The following METTL22 variants were observed in gnomAD, a reference collection of about 807,000 sequenced individuals.
METTL22 encodes the protein methyltransferase-like protein 22.
Under a neutral mutation model 48.4 loss-of-function variants are expected in METTL22, and 51 were observed. That is an observed-to-expected ratio of 1.05 (90% confidence interval 0.84 to 1.33). The LOEUF is 1.33. Ranked by LOEUF, METTL22 falls within the 40% of genes most tolerant of loss-of-function variation. The pLI is 0.00. For missense variants in METTL22, 678 were observed against 526.9 expected, an observed-to-expected ratio of 1.29 and a Z score of -2.81; for synonymous variants, 255 against 214.1, an observed-to-expected ratio of 1.19 and a Z score of -1.67.
intron 2 of METTL22, among the ~76,000 whole-genome samples, chr16:8,627,007 C>T (rs1223425440): frequency 3.3e-5 from 5 of 151,890 alleles, no homozygotes; most frequent in Admixed American, 6.6e-5. Flanking sequence ...GACCTCGTGC[C>T]GCCCGCCTCG....
Position 8,625,506 on chromosome 16 carries a change from T to C in METTL22, c.-160T>C, listed in dbSNP as rs2056015332. On this transcript the variant is annotated 5_prime_UTR_variant, in exon 2 of 11. Transcript: ENST00000381920. ...CGCATTAATTTCCAGCTGGATTCTC[T>C]TCCCTGGCCAAGTCTCTGAGATCTT... The C allele has an allele frequency of 7.8e-6, 4 of 512,226 alleles. 1 individual carries two copies. Among genetic ancestry groups the C allele is most frequent in the South Asian group, 4.3e-5 (1 of 23,066 alleles). 31.7% of individuals were successfully genotyped at this position (512,226 alleles called of 1,614,324 possible). A position where few individuals can be genotyped will look rare whatever the true frequency, so the allele number is the denominator to read the frequency against.
rs2056606237 is a variant in METTL22 at position 8,641,215 on chromosome 16, TG to T, written c.826+32del. 2.5e-6 allele frequency: 4 copies of T among 1,609,144 alleles called. No individual in the cohort carries two copies. The South Asian group carries it at 4.4e-5, about 18-fold the overall frequency. ...TGTTTCTCTCGGACGTCCCCCAGTA[TG>T]ATTCAGTGATTCCTTTGTAATACCT... On this transcript the variant is annotated intron_variant, in intron 7 of 10. Transcript: ENST00000381920.
At position 8,648,839 on chromosome 16, in the gene METTL22, C is replaced by A. The variant is rs1020342592; in HGVS notation, c.*2696C>A. 1.1e-4 allele frequency: 16 copies of A among 152,256 alleles called. No individual in the cohort carries two copies. The highest frequency in any genetic ancestry group is 1.0e-3 in the Admixed American group (16 of 15,276). The allele number at this position is 152,256 out of a possible 1,614,324, so 9.4% of individuals were successfully genotyped here. Reference sequence around the variant, plus strand: ...AGCTCAGGACGTGATTCCGAATCTGCATCTCAACGAGACCCTGGGTGATTT... The same window carrying A: ...AGCTCAGGACGTGATTCCGAATCTGAATCTCAACGAGACCCTGGGTGATTT... On this transcript the variant is annotated 3_prime_UTR_variant, in exon 11 of 11. Coordinates refer to ENST00000381920, the MANE Select transcript of METTL22 (RefSeq NM_024109.4).
the METTL22 span, among the ~76,000 whole-genome samples, chr16:8,659,058 C>T: frequency 4.6e-5 from 7 of 152,222 alleles, no homozygotes; most frequent in Non-Finnish European, 1.0e-4. Context: ...CAGCCAGGCA[C>T]GCTGGCTCAC....
In METTL22 at chr16:8,635,259, C is replaced by T. The variant is rs748613111; in HGVS notation, c.647C>T (p.Thr216Met). Residue 216 changes from threonine (T) to methionine (M), a missense_variant, in exon 5 of 11, where the codon ACG (threonine) becomes ATG (methionine). Coordinates refer to ENST00000381920, the MANE Select transcript of METTL22 (RefSeq NM_024109.4). ...GCTALELGAG[T>M]GLASIIAATM... is the part of the protein sequence containing the mutation. ...ACAGCGCTGGAGCTCGGGGCCGGCACGGGGCTCGCTAGCATCATCGCAGCC... is the reference window on the plus strand; with the variant it reads ...ACAGCGCTGGAGCTCGGGGCCGGCATGGGGCTCGCTAGCATCATCGCAGCC... The T allele has an allele frequency of 3.3e-5, 53 of 1,607,344 alleles. No homozygotes were observed. The Admixed American group carries it at 5.9e-4, about 18-fold the overall frequency.
At chr16:8,630,950 A>G (rs1328821575) in intron 3 of METTL22, among the ~76,000 whole-genome samples, 2 of 152,204 alleles carry the variant, frequency 1.3e-5, no homozygotes, top group Admixed American at 6.5e-5. Flanking sequence ...GCCCAGCTCC[A>G]TCTTCACAAG....
chr16:8,638,537 T>C (rs1486677576), intron 5 of METTL22, among the ~76,000 whole-genome samples: 1 of 152,054 alleles, frequency 6.6e-6, no homozygotes, highest in Non-Finnish European at 1.5e-5. Context: ...TGAATCGCGC[T>C]CAAGAGAGTG....
At chr16:8,646,005 G>C (rs77407451) in intron 10 of METTL22, 103 bp from the exon 11 acceptor site, 10 of 1,388,318 alleles carry the variant, frequency 7.2e-6, no homozygotes, top group African/African-American at 1.6e-5. Flanking sequence ...CGTGGCTGAC[G>C]TGTTGTCTAA....
intron 3 of METTL22, 92 bp from the exon 4 acceptor site, chr16:8,634,947 C>G: frequency 6.5e-7 from 1 of 1,534,992 alleles, no homozygotes; most frequent in Non-Finnish European, 9.0e-7. Context: ...CCCATCTGAC[C>G]GTGCTGGCGG....
Position 8,624,703 on chromosome 16 carries a change from C to CA in METTL22, c.-170-781dup, listed in dbSNP as rs796519365. 3.1e-3 allele frequency among the ~76,000 whole-genome samples: 436 copies of CA among 139,920 alleles called. 1 individual carries two copies. The highest frequency in any genetic ancestry group is 3.8e-3 in the Non-Finnish European group (245 of 64,024). The allele number at this position is 139,920 out of a possible 152,430, so 91.8% of individuals were successfully genotyped here. ...AAACATAGTGAGACCCTTGTCTCTA[C>CA]AAAAAAAAAAAATTTAATGCCAAGT... is the stretch of plus-strand genomic sequence containing the variant. On this transcript the variant is annotated intron_variant, in intron 1 of 10. Transcript: ENST00000381920.
At chr16:8,630,124 C>A (rs1214324947) in intron 3 of METTL22, among the ~76,000 whole-genome samples, 1 of 152,134 alleles carries the variant, frequency 6.6e-6, no homozygotes, top group Non-Finnish European at 1.5e-5. Flanking sequence ...CCAGCACTGG[C>A]CTTTGGTCAG....
chr16:8,623,423 C>A (rs1001917432), intron 1 of METTL22, among the ~76,000 whole-genome samples: 13 of 152,120 alleles, frequency 8.5e-5, no homozygotes, highest in Middle Eastern at 3.4e-3. Context: ...TCAAAAAAAA[C>A]TGTATGTGAA....
chr16:8,625,761 A>C lies in METTL22; in HGVS notation c.96A>C (p.Arg32Ser), dbSNP rs1222522896. 6.2e-7 allele frequency: 1 copy of C among 1,614,156 alleles called. No individual in the cohort carries two copies. The highest frequency in any genetic ancestry group is 1.7e-5 in the Admixed American group (1 of 60,020). Residue 32 changes from arginine to serine, a missense_variant, in exon 2 of 11, where the codon AGA becomes AGC. Coordinates refer to ENST00000381920, the MANE Select transcript of METTL22 (RefSeq NM_024109.4). ...SDVHLYTPNH[R>S]HLMVRLNSVG... is the part of the protein sequence containing the mutation. ...TCCACCTCTATACCCCGAACCATAG[A>C]CATCTCATGGTACGGCTGAACAGCG...
intron 3 of METTL22, 105 bp from the exon 4 acceptor site, chr16:8,634,934 A>G (rs935705178): frequency 9.6e-6 from 14 of 1,460,750 alleles, no homozygotes; most frequent in Non-Finnish European, 1.3e-5. Context: ...CCAACCTCTG[A>G]CGCCCATCTG....
chr16:8,640,773 G>A lies in METTL22; in HGVS notation c.773-358G>A, dbSNP rs867832835. 6.6e-4 allele frequency among the ~76,000 whole-genome samples: 42 copies of A among 63,970 alleles called. 3 individuals are homozygous for A. The highest frequency in any genetic ancestry group is 2.4e-3 in the African/African-American group (40 of 16,650). 42.0% of individuals were successfully genotyped at this position (63,970 alleles called of 152,430 possible). A position where few individuals can be genotyped will look rare whatever the true frequency, so the allele number is the denominator to read the frequency against. ...GGATGGCTAGAAGGAAGGATGAGAAGATGGATGGGAGGGAGGCAGGGAGGG... is the reference window on the plus strand; with the variant it reads ...GGATGGCTAGAAGGAAGGATGAGAAAATGGATGGGAGGGAGGCAGGGAGGG... On this transcript the variant is annotated intron_variant, in intron 6 of 10. Coordinates refer to ENST00000381920, the MANE Select transcript of METTL22 (RefSeq NM_024109.4).
chr16:8,640,945 G>GAT (rs771572473), intron 6 of METTL22, among the ~76,000 whole-genome samples, 186 bp from the exon 7 acceptor site: 6,735 of 76,192 alleles, frequency 0.088, 1,281 homozygotes, highest in Non-Finnish European at 0.1. Context: ...TGGATGGATG[G>GAT]GTGGGTGGAT....
At chr16:8,622,200 C>T (rs2055876373) in intron 1 of METTL22, among the ~76,000 whole-genome samples, 1 of 152,236 alleles carries the variant, frequency 6.6e-6, no homozygotes, top group African/African-American at 2.4e-5. Flanking sequence ...GCCTTCACAC[C>T]CTGCCCTCCC....
rs1469551856 is a variant in METTL22 at position 8,629,006 on chromosome 16, C to A, written c.410C>A (p.Ala137Glu). The change falls in exon 3 of 11, where the codon GCA (alanine) becomes GAA (glutamate). Residue 137 changes from alanine (A) to glutamate (E), a missense_variant. Physicochemically the swap from Ala to Glu is moderately radical, Grantham distance 107 (BLOSUM62 -1). Transcript: ENST00000381920. ...RPRAASDSNP[A>E]GPLRDKVHPM... ...CGAGCCGCCTCTGATTCCAACCCAG[C>A]AGGGCCTCTGAGAGACAAGGTACAT... 1 of 1,614,114 alleles carries A rather than the reference C, an allele frequency of 6.2e-7. No homozygotes were observed. Among genetic ancestry groups the A allele is most frequent in the African/African-American group, 1.3e-5 (1 of 75,046 alleles).
chr16:8,657,824 C>CTTTTTTTTTTTTTTTTTTTTT, the METTL22 span, among the ~76,000 whole-genome samples: 2 of 137,434 alleles, frequency 1.5e-5, no homozygotes, highest in African/African-American at 5.8e-5. Flanking sequence ...TCTTTTCTTT[C>CTTTTTTTTTTTTTTTTTTTTT]TTTTTTTTTT....
Sources: allele counts gnomAD v4.1 joint callset (sites outside exome capture counted in the v4.1 genomes callset), GRCh38; gene constraint gnomAD v4.1.1; transcripts MANE v1.5; gene names NCBI Gene and HGNC (gene_info 2026-07-23, HGNC 2026-07-21).